Variants in KLF12 observed in about 807,000 individuals in gnomAD.
KLF12 encodes KLF transcription factor 12.
A neutral mutation model predicts 37.8 loss-of-function variants in KLF12; 9 were observed. The ratio of observed to expected loss-of-function variants is 0.24; its 90% CI spans 0.14 to 0.42. The LOEUF (loss-of-function observed/expected upper bound fraction) is 0.42, where lower values mean the gene tolerates loss of function less well. KLF12 is among the 10% of genes least tolerant of loss of function. KLF12 has a pLI of 1.00. For synonymous variants in KLF12, 208 were observed against 202.1 expected (o/e 1.03, Z -0.25); for missense variants, 411 against 516.0 (o/e 0.80, Z 1.97).
At chr13:74,298,705 G>A in the KLF12 span, among the ~76,000 whole-genome samples, 1 of 152,116 alleles carries the variant, frequency 6.6e-6, no homozygotes, top group African/African-American at 2.4e-5. Context: ...TATAAAAAGA[G>A]TTTTATGCCT....
intron 3 of KLF12, among the ~76,000 whole-genome samples, chr13:73,911,073 C>G (rs1328503101): frequency 1.3e-5 from 2 of 151,596 alleles, no homozygotes; most frequent in Admixed American, 6.6e-5. Context: ...ATAAATGAAG[C>G]AACAAAAAAC....
chr13:74,032,959 A>T (rs1216881701), intron 1 of KLF12, among the ~76,000 whole-genome samples: 2 of 152,154 alleles, frequency 1.3e-5, no homozygotes, highest in Non-Finnish European at 2.9e-5. Flanking sequence ...CTCTGTATCT[A>T]CCCTAACAGC....
chr13:73,965,778 C>T (rs1891155777), intron 2 of KLF12, among the ~76,000 whole-genome samples: 3 of 152,324 alleles, frequency 2.0e-5, no homozygotes, highest in East Asian at 1.9e-4. Flanking sequence ...ATGACTGGAA[C>T]CTCTGTAGAG....
intron 5 of KLF12, among the ~76,000 whole-genome samples, chr13:73,774,805 T>G (rs370097468): frequency 3.9e-5 from 6 of 152,156 alleles, no homozygotes; most frequent in African/African-American, 1.4e-4. Flanking sequence ...TATTTTGTGA[T>G]AGGGTTTTTC....
chr13:74,023,115 T>C (rs1322671959), intron 1 of KLF12, among the ~76,000 whole-genome samples: 2 of 152,196 alleles, frequency 1.3e-5, no homozygotes, highest in Non-Finnish European at 2.9e-5. Flanking sequence ...TTTTAAAACA[T>C]ACAGATGCCC....
chr13:73,715,304 G>A (rs974758215), intron 7 of KLF12, 64 bp downstream of exon 7: 1 of 1,467,904 alleles, frequency 6.8e-7, no homozygotes, highest in Non-Finnish European at 9.3e-7. Context: ...GGCTCCCGAG[G>A]TAAGTGGCCG....
the KLF12 span, among the ~76,000 whole-genome samples, chr13:74,267,444 C>T: frequency 2.4e-4 from 37 of 152,274 alleles, no homozygotes; most frequent in Admixed American, 1.7e-3. Flanking sequence ...CATGGATGAG[C>T]CTGGAGCTCA....
In KLF12 at chr13:73,741,227, C is replaced by A. The variant is rs112675266; in HGVS notation, c.869+23711G>T. 3.9e-5 allele frequency among the ~76,000 whole-genome samples: 6 copies of A among 152,164 alleles called. No individual in the cohort carries two copies. In the East Asian group the frequency reaches 1.2e-3, roughly 29 times the overall value. ...ACCCAAAACCCAATTAGATGAAACA[C>A]GTCGATGTGATGAGGAAGCACGACT... On this transcript the variant is annotated intron_variant, in intron 6 of 7. Transcript: ENST00000377669.
chr13:73,808,337 T>C (rs1882753990), intron 5 of KLF12, among the ~76,000 whole-genome samples: 1 of 152,176 alleles, frequency 6.6e-6, no homozygotes, highest in African/African-American at 2.4e-5. Flanking sequence ...GGTCTCTTGG[T>C]GGCTGCTTCT....
chr13:73,906,554 C>G (rs922383448), intron 3 of KLF12, among the ~76,000 whole-genome samples: 1 of 152,166 alleles, frequency 6.6e-6, no homozygotes, highest in Non-Finnish European at 1.5e-5. Context: ...TTTTTCATTA[C>G]TTGCTCACTT....
chr13:74,014,740 G>A (rs1263144588), intron 1 of KLF12, among the ~76,000 whole-genome samples: 1 of 152,146 alleles, frequency 6.6e-6, no homozygotes, highest in Non-Finnish European at 1.5e-5. Flanking sequence ...CCAAAAGTAT[G>A]TACTTTCCAA....
chr13:74,173,404 G>A, the KLF12 span, among the ~76,000 whole-genome samples: 5 of 152,078 alleles, frequency 3.3e-5, no homozygotes, highest in African/African-American at 7.2e-5. Flanking sequence ...AGCCCTTCTT[G>A]CATTTAGTTG....
intron 2 of KLF12, among the ~76,000 whole-genome samples, chr13:73,959,674 A>C (rs1890958981): frequency 1.3e-5 from 2 of 151,996 alleles, no homozygotes; most frequent in Non-Finnish European, 2.9e-5. Context: ...ATCTCATGTA[A>C]TATATTTACA....
intron 3 of KLF12, among the ~76,000 whole-genome samples, chr13:73,933,092 T>C (rs980358654): frequency 1.3e-5 from 2 of 152,290 alleles, no homozygotes; most frequent in Admixed American, 6.5e-5. Context: ...TATTTACTAA[T>C]AAAAACAATA....
At chr13:74,148,737 C>T in the KLF12 span, among the ~76,000 whole-genome samples, 5 of 152,088 alleles carry the variant, frequency 3.3e-5, no homozygotes, top group African/African-American at 4.8e-5. Flanking sequence ...CCACATTCTC[C>T]AGTTTTTTTG....
chr13:74,058,604 C>A (rs1156312035), intron 1 of KLF12, among the ~76,000 whole-genome samples: 1 of 151,950 alleles, frequency 6.6e-6, no homozygotes, highest in African/African-American at 2.4e-5. Flanking sequence ...GATCCGCCCA[C>A]CTCGGCCTCC....
chr13:73,988,210 T>C (rs1173718231), intron 2 of KLF12, among the ~76,000 whole-genome samples: 2 of 152,254 alleles, frequency 1.3e-5, no homozygotes, highest in African/African-American at 4.8e-5. Flanking sequence ...TTGCTAAGAA[T>C]TTTTTCTAAA....
rs1392341943 is a variant in KLF12, at chr13:73,805,522, G to C, written c.806+7630C>G. Among the ~76,000 whole-genome samples, 5 of 150,794 alleles carry C rather than the reference G, an allele frequency of 3.3e-5. No individual in the cohort carries two copies. The East Asian group carries it at 9.9e-4, about 30-fold the overall frequency. On this transcript the variant is annotated intron_variant, in intron 5 of 7. Coordinates refer to ENST00000377669, the MANE Select transcript of KLF12 (RefSeq NM_007249.5). ...GTCTCAGCTACTTGAAGTCTAAGGT[G>C]GGAGAAATGCTTGAGCCCAAGAGGT... is the stretch of plus-strand genomic sequence containing the variant.
the KLF12 span, among the ~76,000 whole-genome samples, chr13:74,173,222 G>A: frequency 1.2e-4 from 19 of 152,338 alleles, no homozygotes; most frequent in African/African-American, 4.3e-4. Context: ...CTTGAGAGCA[G>A]CAAGGACTTC....
Sources: gnomAD v4.1 joint callset for allele counts (sites outside exome capture counted in the v4.1 genomes callset) on GRCh38, gnomAD v4.1.1 for gene constraint, MANE v1.5 for transcripts, NCBI Gene and HGNC (gene_info 2026-07-23, HGNC 2026-07-21) for gene names.